TMC2: variants seen among roughly 807,000 people sequenced by gnomAD.
TMC2 encodes transmembrane channel-like protein 2.
TMC2 carries 102 observed loss-of-function variants against 105.9 expected under a neutral mutation model. The ratio of observed to expected loss-of-function variants is 0.96; its 90% CI spans 0.82 to 1.14. The LOEUF is 1.14. TMC2 is among the 50% of genes most tolerant of loss of function. The pLI, the probability that TMC2 is intolerant of heterozygous loss-of-function variation, is 0.00. For missense variants in TMC2, 1,093 were observed against 1,134.3 expected, an observed-to-expected ratio of 0.96 and a Z score of 0.52; for synonymous variants, 402 against 422.8, an observed-to-expected ratio of 0.95 and a Z score of 0.60.
At chr20:2,561,752 A>G in intron 3 of TMC2, 106 bp from the exon 4 acceptor site, 1 of 1,372,522 alleles carries the variant, frequency 7.3e-7, no homozygotes, top group East Asian at 2.3e-5. Flanking sequence ...GCTTCTGAGC[A>G]GGGGAAGGGG....
chr20:2,537,324 G>C lies in TMC2; in HGVS notation c.82+8G>C, dbSNP rs1427339220. On this transcript the variant is annotated splice_region_variant and intron_variant, in intron 2 of 19. Coordinates refer to ENST00000358864, the MANE Select transcript of TMC2 (RefSeq NM_080751.3). ...GCGGCTCTCCACACACAGGTGAGATGGGGTGGTGGGGTCTCTGGGGAGCCT... is the reference window on the plus strand; with the variant it reads ...GCGGCTCTCCACACACAGGTGAGATCGGGTGGTGGGGTCTCTGGGGAGCCT... The C allele has an allele frequency of 6.3e-7, 1 of 1,595,228 alleles. No homozygotes were observed. The highest frequency in any genetic ancestry group is 2.3e-5 in the East Asian group (1 of 44,182).
At chr20:2,617,359 T>G in intron 16 of TMC2, 48 bp downstream of exon 16, 3 of 1,608,118 alleles carry the variant, frequency 1.9e-6, no homozygotes, top group Non-Finnish European at 2.6e-6. Context: ...CGAGGCAGTC[T>G]GCTCAGAGGG....
intron 7 of TMC2, among the ~76,000 whole-genome samples, chr20:2,584,382 T>C (rs1474148666): frequency 2.1e-5 from 3 of 140,210 alleles, no homozygotes; most frequent in African/African-American, 8.9e-5. Flanking sequence ...AGGCGGAGCT[T>C]GCAGTGAGCC....
Position 2,579,330 on chromosome 20 carries a change from C to A in TMC2, c.727+103C>A, listed in dbSNP as rs533228520. 5.2e-6 allele frequency: 3 copies of A among 575,070 alleles called. No homozygotes were observed. In the Admixed American group the frequency reaches 9.8e-5, roughly 19 times the overall value. 35.6% of individuals were successfully genotyped at this position (575,070 alleles called of 1,614,324 possible). A position where few individuals can be genotyped will look rare whatever the true frequency, so the allele number is the denominator to read the frequency against. ...CTCTGAATAGATTATTTCATTGGTT[C>A]TGTTGTATTAGGAAAAAAGAATGAG... On this transcript the variant is annotated intron_variant, in intron 6 of 19. Transcript: ENST00000358864.
In TMC2 at chr20:2,612,339, T is replaced by C. The variant is rs1280030993; in HGVS notation, c.1742T>C (p.Ile581Thr). Reference sequence around the variant, plus strand: ...TCTTGCTGGGAGACAGCTGTGGGCATTGTGAGTAGTTACACTCTCTAAAAA... The same window carrying C: ...TCTTGCTGGGAGACAGCTGTGGGCACTGTGAGTAGTTACACTCTCTAAAAA... ...RGSCWETAVGIEFMRLTVSDM... is the reference protein window; with the variant it reads ...RGSCWETAVGTEFMRLTVSDM... The change falls in exon 13 of 20, where the codon ATT becomes ACT. Residue 581 changes from isoleucine (I) to threonine (T), a missense_variant and splice_region_variant. By Grantham distance (89) the Ile-to-Thr change is moderately conservative. Coordinates refer to ENST00000358864, the MANE Select transcript of TMC2 (RefSeq NM_080751.3). The C allele has an allele frequency of 6.4e-7, 1 of 1,568,516 alleles. No individual in the cohort carries two copies. Among genetic ancestry groups the C allele is most frequent in the Non-Finnish European group, 8.7e-7 (1 of 1,149,626 alleles).
Position 2,579,214 on chromosome 20 carries a change from C to A in TMC2, c.714C>A (p.Ile238=), listed in dbSNP as rs572820560. 6.3e-7 allele frequency: 1 copy of A among 1,596,178 alleles called. No individual in the cohort carries two copies. Among genetic ancestry groups the A allele is most frequent in the Non-Finnish European group, 8.6e-7 (1 of 1,163,818 alleles). The change falls in exon 6 of 20, where the codon ATC becomes ATA. Residue 238 remains isoleucine (I), a synonymous_variant. Coordinates refer to ENST00000358864, the MANE Select transcript of TMC2 (RefSeq NM_080751.3). ...KTQCIPWEMK[I]KDIESHFGSS... ...AATGTATCCCCTGGGAAATGAAGAT[C>A]AAGGACATTGAAAGTGAGTATGCTG...
intron 2 of TMC2, among the ~76,000 whole-genome samples, chr20:2,551,235 T>C (rs2085954895): frequency 6.6e-6 from 1 of 152,232 alleles, no homozygotes; most frequent in Admixed American, 6.5e-5. Flanking sequence ...CATCTTTTCA[T>C]ATGCCTATTT....
rs765887394 is a variant in TMC2 at position 2,597,320 on chromosome 20, C to A, written c.1224+22C>A. 1.6e-5 allele frequency: 25 copies of A among 1,609,236 alleles called. No homozygotes were observed. The Admixed American group carries it at 4.0e-4, about 26-fold the overall frequency. ...CAAGGTAGTCACCCCAGGGCAGTTCCCACTTCCGGAGAACTCTAGGTCCCT... is the reference window on the plus strand; with the variant it reads ...CAAGGTAGTCACCCCAGGGCAGTTCACACTTCCGGAGAACTCTAGGTCCCT... On this transcript the variant is annotated intron_variant, in intron 10 of 19. Transcript: ENST00000358864.
intron 4 of TMC2, among the ~76,000 whole-genome samples, chr20:2,570,071 A>G (rs553756355): frequency 2.0e-5 from 3 of 152,338 alleles, no homozygotes; most frequent in South Asian, 2.1e-4. Context: ...AAGAACTGGA[A>G]CAAGACAAGA....
chr20:2,628,271 A>T (rs996492764), intron 17 of TMC2, among the ~76,000 whole-genome samples: 5 of 152,106 alleles, frequency 3.3e-5, no homozygotes, highest in African/African-American at 1.2e-4. Context: ...ATGTCTCTCA[A>T]TATTTTTAAG....
rs896218534 is a variant in TMC2 at position 2,537,293 on chromosome 20, T to G, written c.59T>G (p.Val20Gly). 1.2e-5 allele frequency: 20 copies of G among 1,602,908 alleles called. No individual in the cohort carries two copies. In the African/African-American group the frequency reaches 2.5e-4, roughly 20 times the overall value. Residue 20 changes from valine to glycine, a missense_variant, in exon 2 of 20, where the codon GTG becomes GGG. Val to Gly is a moderately radical substitution (Grantham distance 109, BLOSUM62 -3). Coordinates refer to ENST00000358864, the MANE Select transcript of TMC2 (RefSeq NM_080751.3). The part of the protein sequence containing the change: ...EEARGGVKGR[V>G]KSGSPHTGDR... The stretch of plus-strand genomic sequence containing the variant: ...GCACGAGGCGGAGTGAAAGGGCGGG[T>G]GAAGAGCGGCTCTCCACACACAGGT...
rs942147148 is a variant in TMC2 at position 2,637,506 on chromosome 20, A to C, written c.2418A>C (p.Val806=). 5 of 1,613,746 alleles carry C rather than the reference A, an allele frequency of 3.1e-6. No individual in the cohort carries two copies. Among genetic ancestry groups the C allele is most frequent in the Admixed American group, 3.3e-5 (2 of 60,004 alleles). ...LREVEKSHKS[V]KGKATARDSE... is the part of the protein sequence containing the mutation. ...AAGTTGAGAAGAGTCACAAATCTGT[A>C]AAAGGCAAAGCCACAGCCAGAGATT... The change falls in exon 19 of 20, where the codon GTA becomes GTC. Residue 806 remains valine (V), a synonymous_variant. Coordinates refer to ENST00000358864, the MANE Select transcript of TMC2 (RefSeq NM_080751.3).
chr20:2,637,470 G>A lies in TMC2; in HGVS notation c.2386-4G>A, dbSNP rs554334086. On this transcript the variant is annotated splice_region_variant and splice_polypyrimidine_tract_variant and intron_variant, in intron 18 of 19. Transcript: ENST00000358864. ...CAGGACCAACAGTTCATTATTTCCTGCAGCTCCGTGAAGTTGAGAAGAGTC... is the reference window on the plus strand; with the variant it reads ...CAGGACCAACAGTTCATTATTTCCTACAGCTCCGTGAAGTTGAGAAGAGTC... 8 of 1,598,996 alleles carry A rather than the reference G, an allele frequency of 5.0e-6. No homozygotes were observed. The highest frequency in any genetic ancestry group is 1.7e-4 in the Middle Eastern group (1 of 6,022).
At chr20:2,614,192 C>T (rs987022694) in intron 14 of TMC2, among the ~76,000 whole-genome samples, 37 of 152,174 alleles carry the variant, frequency 2.4e-4, no homozygotes, top group African/African-American at 8.4e-4. Flanking sequence ...GATAGAAAGA[C>T]ACAATATTAC....
chr20:2,584,404 A>C lies in TMC2; in HGVS notation c.834+4348A>C, dbSNP rs112739335. Among the ~76,000 whole-genome samples the C allele has an allele frequency of 9.3e-5, 13 of 140,300 alleles. No homozygotes were observed. In the South Asian group the frequency reaches 2.0e-3, roughly 21 times the overall value. 92.0% of individuals were successfully genotyped at this position (140,300 alleles called of 152,430 possible). ...GCTTGCAGTGAGCCGAGATCCCGCC[A>C]CTGCACTCCAGCCTGGGCGACAGAG... On this transcript the variant is annotated intron_variant, in intron 7 of 19. Transcript: ENST00000358864.
chr20:2,567,603 G>A (rs2086073466), intron 4 of TMC2, among the ~76,000 whole-genome samples: 1 of 151,408 alleles, frequency 6.6e-6, no homozygotes, highest in Non-Finnish European at 1.5e-5. Context: ...TCACTATATT[G>A]CTCAGGCTGG....
intron 2 of TMC2, among the ~76,000 whole-genome samples, chr20:2,545,859 GAAAGAA>G (rs1568500826): frequency 8.1e-4 from 99 of 122,156 alleles, no homozygotes; most frequent in African/African-American, 2.1e-3. Context: ...GAAAGAGAAA[GAAAGAA>G]AAAGAAAGAA....
intron 7 of TMC2, among the ~76,000 whole-genome samples, chr20:2,587,837 T>A (rs1449569930): frequency 6.6e-6 from 1 of 152,200 alleles, no homozygotes; most frequent in East Asian, 1.9e-4. Flanking sequence ...GTACAATAGA[T>A]CTCTTGAATT....
At chr20:2,631,515 A>G (rs1439582046) in intron 17 of TMC2, among the ~76,000 whole-genome samples, 2 of 152,240 alleles carry the variant, frequency 1.3e-5, no homozygotes, top group Non-Finnish European at 2.9e-5. Flanking sequence ...TCATTCTTGA[A>G]GAACAGTTTT....
Sources: allele counts gnomAD v4.1 joint callset (sites outside exome capture counted in the v4.1 genomes callset), GRCh38; gene constraint gnomAD v4.1.1; transcripts MANE v1.5; gene names NCBI Gene and HGNC (gene_info 2026-07-23, HGNC 2026-07-21).